ATRN: variants seen among roughly 807,000 people sequenced by gnomAD.
The protein encoded by ATRN is attractin-2.
In ATRN, 54 loss-of-function variants were observed where a neutral mutation model predicts 178.7. That is an observed-to-expected ratio of 0.30 (90% CI 0.24 to 0.38). The LOEUF (loss-of-function observed/expected upper bound fraction) is 0.38. Among genes scored for constraint, ATRN ranks in the 10% least tolerant of loss-of-function variants. The pLI is 1.00. For synonymous variants in ATRN, 636 were observed against 663.0 expected (o/e 0.96, Z 0.63); for missense variants, 1,443 against 1,815.1 (o/e 0.79, Z 3.73).
chr20:3,571,462 C>T (rs766066761), intron 11 of ATRN, among the ~76,000 whole-genome samples: 1 of 152,062 alleles, frequency 6.6e-6, no homozygotes, highest in Non-Finnish European at 1.5e-5. Context: ...CTTGCCAAAT[C>T]CCTCTGTAGG....
At chr20:3,590,024 A>T (rs978759584) in intron 18 of ATRN, among the ~76,000 whole-genome samples, 1 of 152,200 alleles carries the variant, frequency 6.6e-6, no homozygotes, top group Non-Finnish European at 1.5e-5. Context: ...TTCTTGGCTC[A>T]CTGCAACCTC....
chr20:3,591,205 A>G lies in ATRN; in HGVS notation c.3221A>G (p.Gln1074Arg). The change falls in exon 19 of 29, where the codon CAG becomes CGG. Residue 1074 changes from glutamine (Q) to arginine (R), a missense_variant. Around this residue, in one of 4 missense-constraint regions of ATRN, gnomAD observed 80 missense variants for 71.5 expected, o/e 1.12. Coordinates refer to ENST00000262919, the MANE Select transcript of ATRN (RefSeq NM_139321.3). ...QCNGHSKCIN[Q>R]SICEKCENLT... ...AACGGCCACAGTAAATGCATCAATC[A>G]GAGCATCTGTGAGAAGTGTGAGAAC... The G allele has an allele frequency of 6.2e-7, 1 of 1,614,188 alleles. No homozygotes were observed. The highest frequency in any genetic ancestry group is 8.5e-7 in the Non-Finnish European group (1 of 1,180,008).
intron 1 of ATRN, chr20:3,489,522 C>T (rs2084752040): frequency 1.4e-6 from 2 of 1,394,786 alleles, no homozygotes; most frequent in Non-Finnish European, 1.0e-6. Flanking sequence ...AGCTACATCC[C>T]TGAGCACTAG....
Position 3,471,053 on chromosome 20 carries a change from C to A in ATRN, c.-55C>A, listed in dbSNP as rs890826837. 2.1e-6 allele frequency: 3 copies of A among 1,450,758 alleles called. No homozygotes were observed. Among genetic ancestry groups the A allele is most frequent in the African/African-American group, 1.5e-5 (1 of 67,730 alleles). 89.9% of individuals were successfully genotyped at this position (1,450,758 alleles called of 1,614,324 possible). On this transcript the variant is annotated 5_prime_UTR_variant, in exon 1 of 29. Coordinates refer to ENST00000262919, the MANE Select transcript of ATRN (RefSeq NM_139321.3). ...CCCGCACGGCCAGGCGAAGCGGAGCCGGCCGTGCGGTGTGTGTGTATGTGT... is the reference window on the plus strand; with the variant it reads ...CCCGCACGGCCAGGCGAAGCGGAGCAGGCCGTGCGGTGTGTGTGTATGTGT...
chr20:3,629,006 G>A (rs562863066), intron 25 of ATRN: 15 of 985,062 alleles, frequency 1.5e-5, no homozygotes, highest in South Asian at 9.4e-5. Flanking sequence ...CTTCCTCACC[G>A]GTGTTCCCCA....
chr20:3,574,310 AAGACTAGCCTGGGCAACATAGTG>A (rs1434231942), intron 12 of ATRN, among the ~76,000 whole-genome samples: 1 of 152,116 alleles, frequency 6.6e-6, no homozygotes, highest in Non-Finnish European at 1.5e-5. Context: ...CCAGGAGTCT[AAGACTAGCCTGGGCAACATAGTG>A]AGACCCTGTC....
At position 3,549,206 on chromosome 20, in the gene ATRN, C is replaced by T; in HGVS notation, c.980C>T (p.Ser327Leu). ...GCSVPVPANQ[S>L]FWTREEYSNL... Reference sequence around the variant, plus strand: ...TCAGTTCCTGTACCAGCTAACCAGTCATTTTGGACTCGAGAGGAATATTCT... The same window carrying T: ...TCAGTTCCTGTACCAGCTAACCAGTTATTTTGGACTCGAGAGGAATATTCT... Residue 327 changes from serine (S) to leucine (L), a missense_variant, in exon 6 of 29, where the codon TCA becomes TTA. This residue lies in a region of ATRN where 862 missense variants were observed against 972.1 expected (regional missense o/e 0.89). Coordinates refer to ENST00000262919, the MANE Select transcript of ATRN (RefSeq NM_139321.3). The T allele has an allele frequency of 2.5e-6, 4 of 1,610,378 alleles. No individual in the cohort carries two copies. Among genetic ancestry groups the T allele is most frequent in the Non-Finnish European group, 3.4e-6 (4 of 1,178,840 alleles).
intron 1 of ATRN, among the ~76,000 whole-genome samples, chr20:3,485,304 A>G (rs1412288599): frequency 5.3e-5 from 8 of 152,136 alleles, no homozygotes; most frequent in Non-Finnish European, 1.5e-5. Flanking sequence ...AACTGTATAC[A>G]CCTTCTTTCT....
intron 1 of ATRN, among the ~76,000 whole-genome samples, chr20:3,517,057 G>A (rs375337023): frequency 6.6e-6 from 1 of 152,066 alleles, no homozygotes; most frequent in South Asian, 2.1e-4. Context: ...TTGAGGAATC[G>A]CCACACTGTC....
chr20:3,620,676 A>C (rs2086890404), intron 24 of ATRN, among the ~76,000 whole-genome samples: 1 of 152,240 alleles, frequency 6.6e-6, no homozygotes, highest in African/African-American at 2.4e-5. Flanking sequence ...GTTGTAAGCT[A>C]TCCAGAGTTT....
chr20:3,584,956 G>A (rs1403190195), intron 18 of ATRN, 76 bp downstream of exon 18: 22 of 1,385,222 alleles, frequency 1.6e-5, no homozygotes, highest in Non-Finnish European at 2.1e-5. Flanking sequence ...AAGCTACGTT[G>A]TGTATATGTA....
rs770522690 is a variant in ATRN at position 3,547,347 on chromosome 20, T to C, written c.801T>C (p.Asp267=). 1.2e-6 allele frequency: 2 copies of C among 1,614,022 alleles called. No homozygotes were observed. The highest frequency in any genetic ancestry group is 1.3e-5 in the African/African-American group (1 of 74,950). Residue 267 remains aspartate (D), a synonymous_variant, in exon 5 of 29, where the codon GAT becomes GAC. Coordinates refer to ENST00000262919, the MANE Select transcript of ATRN (RefSeq NM_139321.3). ...RGECKISNSS[D]TVECECSENW... is the part of the protein sequence containing the mutation. ...AGTGTAAGATCAGTAATAGCAGCGA[T>C]ACTGTTGAATGTGAATGTTCTGAAA...
In ATRN at chr20:3,485,610, G is replaced by GTTTTTTTTTTTTTTTTTTTTTTT. The variant is rs3084238; in HGVS notation, c.410+14100_410+14122dup. Reference sequence around the variant, plus strand: ...TGGTTTGCCAATACATTTTTTTGAGGTTTTTTTTTTTTTTTTTTTTTTTTT... The same window carrying GTTTTTTTTTTTTTTTTTTTTTTT: ...TGGTTTGCCAATACATTTTTTTGAGGTTTTTTTTTTTTTTTTTTTTTTTTTTTTTTTTTTTTTTTTTTTTTTTT... On this transcript the variant is annotated intron_variant, in intron 1 of 28. Transcript: ENST00000262919. Among the ~76,000 whole-genome samples the GTTTTTTTTTTTTTTTTTTTTTTT allele has an allele frequency of 2.1e-4, 14 of 67,922 alleles. 2 individuals are homozygous for GTTTTTTTTTTTTTTTTTTTTTTT. Among genetic ancestry groups the GTTTTTTTTTTTTTTTTTTTTTTT allele is most frequent in the Non-Finnish European group, 3.1e-4 (11 of 35,140 alleles). 44.6% of individuals were successfully genotyped at this position (67,922 alleles called of 152,430 possible).
chr20:3,504,702 TAATAATAATA>T (rs2085015847), intron 1 of ATRN, among the ~76,000 whole-genome samples: 3 of 87,458 alleles, frequency 3.4e-5, no homozygotes, highest in South Asian at 5.2e-4. Context: ...ATAATAATAA[TAATAATAATA>T]ATAATAATAA....
intron 24 of ATRN, among the ~76,000 whole-genome samples, chr20:3,613,234 G>A (rs2086790792): frequency 1.3e-5 from 2 of 152,168 alleles, no homozygotes; most frequent in South Asian, 4.1e-4. Context: ...GAAAACGCAG[G>A]TAAGTTCTAT....
intron 8 of ATRN, 55 bp from the exon 9 acceptor site, chr20:3,562,221 A>C: frequency 2.1e-6 from 3 of 1,445,214 alleles, no homozygotes; most frequent in South Asian, 2.5e-5. Context: ...GGACATTTTC[A>C]GTAGTAGAGA....
intron 1 of ATRN, among the ~76,000 whole-genome samples, chr20:3,479,327 A>G (rs1568677796): frequency 6.6e-6 from 1 of 152,166 alleles, no homozygotes; most frequent in Non-Finnish European, 1.5e-5. Context: ...CCCCTAAGAG[A>G]AGTTATAACT....
intron 19 of ATRN, among the ~76,000 whole-genome samples, chr20:3,592,063 A>C (rs1032055712): frequency 3.3e-5 from 5 of 152,228 alleles, no homozygotes; most frequent in Non-Finnish European, 7.3e-5. Flanking sequence ...TTTAACCAGG[A>C]GCCAGACTCC....
At chr20:3,516,877 A>C (rs1016454923) in intron 1 of ATRN, among the ~76,000 whole-genome samples, 3 of 151,920 alleles carry the variant, frequency 2.0e-5, no homozygotes, top group African/African-American at 4.8e-5. Flanking sequence ...TTCTTTATCC[A>C]GTCTATCATT....
Sources: gnomAD v4.1 joint callset for allele counts (sites outside exome capture counted in the v4.1 genomes callset) on GRCh38, gnomAD v4.1.1 for gene constraint, gnomAD v4.1.1 regional missense constraint, MANE v1.5 for transcripts, NCBI Gene and HGNC (gene_info 2026-07-23, HGNC 2026-07-21) for gene names.